RPS6KA5: variants seen among roughly 807,000 people sequenced by gnomAD.
The protein encoded by RPS6KA5 is ribosomal protein S6 kinase A5, also known as ribosomal protein S6 kinase alpha-5.
A neutral mutation model predicts 85.5 loss-of-function variants in RPS6KA5; 27 were observed. The ratio of observed to expected loss-of-function variants is 0.32; its 90% CI spans 0.23 to 0.44. RPS6KA5 has a LOEUF of 0.44. RPS6KA5 is among the 20% of genes least tolerant of loss of function. The probability of loss-of-function intolerance (pLI) is 1.00; values close to 1 mark genes in which losing one functional copy is unlikely to be tolerated. For synonymous variants in RPS6KA5, 334 were observed against 348.2 expected (o/e 0.96, Z 0.46); for missense variants, 811 against 980.9 (o/e 0.83, Z 2.31).
At chr14:90,885,381 G>A (rs1180184621) in intron 14 of RPS6KA5, among the ~76,000 whole-genome samples, 3 of 150,844 alleles carry the variant, frequency 2.0e-5, no homozygotes, top group Non-Finnish European at 3.0e-5. Flanking sequence ...GTGAAACCTC[G>A]TCTCTACTAG....
At chr14:91,004,079 T>C (rs1282335906) in intron 1 of RPS6KA5, among the ~76,000 whole-genome samples, 3 of 152,144 alleles carry the variant, frequency 2.0e-5, no homozygotes, top group South Asian at 4.1e-4. Context: ...TTTTCTTGTT[T>C]TTTGTTTTGT....
chr14:90,984,489 T>C (rs942287353), intron 2 of RPS6KA5, among the ~76,000 whole-genome samples: 2 of 152,246 alleles, frequency 1.3e-5, no homozygotes, highest in African/African-American at 4.8e-5. Flanking sequence ...AGACATCTTA[T>C]GAAGGTCGCT....
chr14:90,953,984 T>A (rs763087756), intron 3 of RPS6KA5, among the ~76,000 whole-genome samples: 4 of 152,196 alleles, frequency 2.6e-5, no homozygotes, highest in Non-Finnish European at 4.4e-5. Context: ...AAGCATGTGA[T>A]CTTTGTGACC....
intron 2 of RPS6KA5, among the ~76,000 whole-genome samples, chr14:90,988,815 A>AT (rs1489240745): frequency 2.6e-5 from 4 of 151,272 alleles, no homozygotes; most frequent in African/African-American, 7.4e-5. Context: ...TCCATCTCAA[A>AT]AAAATAAATA....
At chr14:90,958,149 G>GATA (rs761316528) in intron 3 of RPS6KA5, among the ~76,000 whole-genome samples, 322 of 151,804 alleles carry the variant, frequency 2.1e-3, no homozygotes, top group Middle Eastern at 3.4e-3. Context: ...CCTGTCTCAA[G>GATA]ATAATAATAA....
At chr14:91,004,925 G>A (rs1404321664) in intron 1 of RPS6KA5, among the ~76,000 whole-genome samples, 8 of 151,482 alleles carry the variant, frequency 5.3e-5, no homozygotes, top group Non-Finnish European at 7.4e-5. Flanking sequence ...CCAAGATCGC[G>A]CGCCACTGCA....
chr14:90,962,872 C>T (rs991590817), intron 3 of RPS6KA5, among the ~76,000 whole-genome samples: 15 of 152,076 alleles, frequency 9.9e-5, no homozygotes, highest in Admixed American at 7.2e-4. Flanking sequence ...ATATCGTGCT[C>T]CTCTACTCCT....
intron 2 of RPS6KA5, among the ~76,000 whole-genome samples, chr14:90,982,530 T>C (rs2039841143): frequency 6.6e-6 from 1 of 152,250 alleles, no homozygotes; most frequent in African/African-American, 2.4e-5. Flanking sequence ...AGAAACTACC[T>C]TCATGCCTTA....
At chr14:90,939,067 G>A (rs549093472) in intron 5 of RPS6KA5, among the ~76,000 whole-genome samples, 2 of 152,166 alleles carry the variant, frequency 1.3e-5, no homozygotes, top group Non-Finnish European at 2.9e-5. Context: ...TAGCACCCAA[G>A]TCATCTCTTA....
chr14:91,016,511 A>T (rs1364028508), intron 1 of RPS6KA5, among the ~76,000 whole-genome samples: 1 of 152,168 alleles, frequency 6.6e-6, no homozygotes, highest in Admixed American at 6.5e-5. Context: ...ACACTCATAC[A>T]TACTACATAC....
chr14:90,911,062 T>C (rs78217413), intron 7 of RPS6KA5, among the ~76,000 whole-genome samples: 2,403 of 152,276 alleles, frequency 0.016, 62 homozygotes, highest in African/African-American at 0.053. Flanking sequence ...CTATCAAGAA[T>C]AGCCATTACC....
chr14:90,947,091 T>C (rs1049354220), intron 4 of RPS6KA5, among the ~76,000 whole-genome samples: 1 of 152,206 alleles, frequency 6.6e-6, no homozygotes, highest in African/African-American at 2.4e-5. Context: ...TAAATTACAA[T>C]GAAGGAAATA....
chr14:90,976,945 G>A (rs528026961), intron 3 of RPS6KA5, among the ~76,000 whole-genome samples: 1 of 152,242 alleles, frequency 6.6e-6, no homozygotes, highest in South Asian at 2.1e-4. Context: ...AAACCAGTTT[G>A]TATTACCAAT....
At chr14:90,877,772 T>C (rs1303117271) in intron 14 of RPS6KA5, among the ~76,000 whole-genome samples, 2 of 152,176 alleles carry the variant, frequency 1.3e-5, no homozygotes, top group Non-Finnish European at 2.9e-5. Flanking sequence ...TTACCCAGTT[T>C]GGGTAACTAC....
intron 12 of RPS6KA5, among the ~76,000 whole-genome samples, chr14:90,897,005 G>A (rs2034875073): frequency 1.3e-5 from 2 of 152,282 alleles, no homozygotes; most frequent in South Asian, 2.1e-4. Flanking sequence ...TTACAGGCAT[G>A]AGCCAGGTCC....
Position 90,900,637 on chromosome 14 carries a change from T to C in RPS6KA5, c.1219A>G (p.Asn407Asp), listed in dbSNP as rs757836027. The change falls in exon 10 of 17, where the codon AAT (asparagine) becomes GAT (aspartate). Residue 407 changes from asparagine (N) to aspartate (D), a missense_variant. Asn to Asp is a conservative substitution (Grantham distance 23). This residue lies in a region of RPS6KA5 where 650 missense variants were observed against 793.4 expected (regional missense o/e 0.82). Coordinates refer to ENST00000614987, the MANE Select transcript of RPS6KA5 (RefSeq NM_004755.4). ...TTCATCATTGCACTCCTGGCAACAT[T>C]TGTCACTCCAGGACGTTCAACTCCC... ...HMGVERPGVTNVARSAMMKDS... is the reference protein window; with the variant it reads ...HMGVERPGVTDVARSAMMKDS... The C allele has an allele frequency of 8.1e-6, 13 of 1,613,682 alleles. No individual in the cohort carries two copies. The highest frequency in any genetic ancestry group is 1.1e-5 in the Non-Finnish European group (13 of 1,179,860).
chr14:90,937,442 T>G (rs1487358564), intron 5 of RPS6KA5, among the ~76,000 whole-genome samples: 3 of 152,098 alleles, frequency 2.0e-5, no homozygotes, highest in African/African-American at 4.8e-5. Flanking sequence ...TCCATTCATC[T>G]CCCCATTTTT....
rs774862939 is a variant in RPS6KA5 at position 90,902,835 on chromosome 14, C to T, written c.1092G>A (p.Leu364=). 7 of 1,613,854 alleles carry T rather than the reference C, an allele frequency of 4.3e-6. No individual in the cohort carries two copies. The South Asian group carries it at 5.5e-5, about 13-fold the overall frequency. The change falls in exon 9 of 17, where the codon CTG becomes CTA. Residue 364 remains leucine (L), a synonymous_variant. Coordinates refer to ENST00000614987, the MANE Select transcript of RPS6KA5 (RefSeq NM_004755.4). ...GAAACAGCTTCTCAGAACTCTGGGG[C>T]AGGGCTGCGGGAGAATAAGTGGGAT... ...EMDPTYSPAA[L]PQSSEKLFQG... is the part of the protein sequence containing the mutation.
intron 7 of RPS6KA5, among the ~76,000 whole-genome samples, chr14:90,916,529 G>A (rs963117119): frequency 3.3e-5 from 5 of 152,078 alleles, no homozygotes; most frequent in Admixed American, 3.3e-4. Flanking sequence ...TAAAAAGCCT[G>A]AGCTAATTAA....
Sources: allele counts gnomAD v4.1 joint callset (sites outside exome capture counted in the v4.1 genomes callset), GRCh38; gene constraint gnomAD v4.1.1; regional missense constraint gnomAD v4.1.1; transcripts MANE v1.5; gene names NCBI Gene and HGNC (gene_info 2026-07-23, HGNC 2026-07-21).